ATP10A: variants seen among roughly 807,000 people sequenced by gnomAD.
ATP10A encodes phospholipid-transporting ATPase VA.
ATP10A carries 111 observed loss-of-function variants against 147.8 expected under a neutral mutation model. The ratio of observed to expected loss-of-function variants is 0.75; its 90% CI spans 0.64 to 0.88. ATP10A has a LOEUF of 0.88. Among genes scored for constraint, ATP10A ranks in the 40% least tolerant of loss-of-function variants. The pLI is 0.00. For missense variants in ATP10A, 1,927 were observed against 1,959.0 expected (o/e 0.98, Z 0.31); for synonymous variants, 875 against 841.6 (o/e 1.04, Z -0.69).
At chr15:25,804,163 G>A (rs1314175872) in intron 1 of ATP10A, among the ~76,000 whole-genome samples, 1 of 151,152 alleles carries the variant, frequency 6.6e-6, no homozygotes, top group Admixed American at 6.6e-5. Context: ...GTGATGTGAG[G>A]TGTTTGTGAT....
At chr15:25,681,631 G>C (rs1452404944) in intron 17 of ATP10A, among the ~76,000 whole-genome samples, 1 of 152,106 alleles carries the variant, frequency 6.6e-6, no homozygotes, top group Non-Finnish European at 1.5e-5. Flanking sequence ...AGGACTTTTG[G>C]AGACGCGAGG....
intron 1 of ATP10A, 82 bp from the exon 2 acceptor site, chr15:25,781,305 T>A (rs549526177): frequency 2.5e-6 from 3 of 1,178,174 alleles, no homozygotes; most frequent in Non-Finnish European, 3.6e-6. Flanking sequence ...GGGGCTCATA[T>A]GGCAATTCTT....
rs1453713418 is a variant in ATP10A at position 25,680,923 on chromosome 15, CA to C, written c.3574-10del. ...TTCGAGTCATAGTAGGCCTGAAAGA[CA>C]GTGGGGTCCTGGATCTGTAGGTCCC... On this transcript the variant is annotated splice_polypyrimidine_tract_variant and intron_variant, in intron 18 of 20. Transcript: ENST00000555815. 6.2e-7 allele frequency: 1 copy of C among 1,614,060 alleles called. No individual in the cohort carries two copies. The highest frequency in any genetic ancestry group is 2.2e-5 in the East Asian group (1 of 44,870).
At chr15:25,771,256 A>G (rs552495227) in intron 2 of ATP10A, among the ~76,000 whole-genome samples, 20 of 152,076 alleles carry the variant, frequency 1.3e-4, no homozygotes, top group Non-Finnish European at 2.6e-4. Context: ...CTGGCCACCC[A>G]TAAACAAGGA....
At chr15:25,694,499 G>A (rs1275195806) in intron 14 of ATP10A, among the ~76,000 whole-genome samples, 1 of 152,218 alleles carries the variant, frequency 6.6e-6, no homozygotes, top group African/African-American at 2.4e-5. Context: ...GCCCTCTGCT[G>A]TGGCCAGGAC....
At chr15:25,770,143 C>T (rs1889257824) in intron 2 of ATP10A, among the ~76,000 whole-genome samples, 1 of 151,072 alleles carries the variant, frequency 6.6e-6, no homozygotes, top group Admixed American at 6.6e-5. Flanking sequence ...GCATTTAAAA[C>T]ACGACCCGGG....
chr15:25,780,490 A>G (rs545111191), intron 2 of ATP10A, among the ~76,000 whole-genome samples: 4 of 152,320 alleles, frequency 2.6e-5, no homozygotes, highest in Admixed American at 2.6e-4. Context: ...GGGCAGCCCA[A>G]TGGAGTCGGT....
At chr15:25,705,003 G>T (rs531791722) in intron 12 of ATP10A, among the ~76,000 whole-genome samples, 15 of 152,342 alleles carry the variant, frequency 9.8e-5, no homozygotes, top group African/African-American at 3.6e-4. Flanking sequence ...AACTAGCAAG[G>T]ACGCCGGGGA....
At chr15:25,773,898 C>T (rs1454035476) in intron 2 of ATP10A, among the ~76,000 whole-genome samples, 1 of 152,068 alleles carries the variant, frequency 6.6e-6, no homozygotes, top group Admixed American at 6.6e-5. Context: ...CTGCGTCGAT[C>T]TCACATTGTC....
chr15:25,821,959 G>T (rs942752174), intron 1 of ATP10A, among the ~76,000 whole-genome samples: 4 of 152,144 alleles, frequency 2.6e-5, no homozygotes, highest in Non-Finnish European at 5.9e-5. Flanking sequence ...GGAATCCTGT[G>T]GGAAACTGGT....
At chr15:25,703,357 G>GAAAT (rs558158099) in intron 12 of ATP10A, among the ~76,000 whole-genome samples, 97 of 152,186 alleles carry the variant, frequency 6.4e-4, no homozygotes, top group African/African-American at 2.0e-3. Context: ...TCTGTCTCAA[G>GAAAT]AAATAAATAA....
intron 2 of ATP10A, among the ~76,000 whole-genome samples, chr15:25,745,649 A>T (rs1887808991): frequency 6.6e-6 from 1 of 152,212 alleles, no homozygotes; most frequent in Non-Finnish European, 1.5e-5. Context: ...GTAAATAAGA[A>T]AGTAAATATA....
chr15:25,760,611 T>C (rs1472833815), intron 2 of ATP10A, among the ~76,000 whole-genome samples: 4 of 152,230 alleles, frequency 2.6e-5, no homozygotes, highest in Non-Finnish European at 5.9e-5. Flanking sequence ...TTTGAGTTCA[T>C]AGCATTGGAC....
At chr15:25,792,850 AC>A (rs1890492610) in intron 1 of ATP10A, among the ~76,000 whole-genome samples, 1 of 149,596 alleles carries the variant, frequency 6.7e-6, no homozygotes, top group Non-Finnish European at 1.5e-5. Context: ...AATATCTGTT[AC>A]AAAAAGTTGC....
rs116531107 is a variant in ATP10A, at chr15:25,793,382, C to T, written c.450-12159G>A. 3.0e-3 allele frequency among the ~76,000 whole-genome samples: 453 copies of T among 152,270 alleles called. 4 individuals are homozygous for T. The highest frequency in any genetic ancestry group is 0.01 in the African/African-American group (435 of 41,554). On this transcript the variant is annotated intron_variant, in intron 1 of 20. Coordinates refer to ENST00000555815, the MANE Select transcript of ATP10A (RefSeq NM_024490.4). ...ACACTTACACCCTTTAAAAAGATAT[C>T]GCCACTTTCTTCATAAAGCTCCTAA...
At chr15:25,786,867 C>G (rs765105640) in intron 1 of ATP10A, among the ~76,000 whole-genome samples, 53 of 150,818 alleles carry the variant, frequency 3.5e-4, no homozygotes, top group African/African-American at 1.2e-3. Context: ...AATCTCCTGA[C>G]CTCATGATCT....
Position 25,855,062 on chromosome 15 carries a change from A to AAAAG in ATP10A, c.449+7585_449+7586insCTTT, listed in dbSNP as rs1555481750. Among the ~76,000 whole-genome samples the AAAAG allele has an allele frequency of 3.5e-4, 42 of 119,676 alleles. No individual in the cohort carries two copies. The East Asian group carries it at 6.8e-3, about 19-fold the overall frequency. 78.5% of individuals were successfully genotyped at this position (119,676 alleles called of 152,430 possible). ...CAACAAGAGTGAAACTCCGTCTCAC[A>AAAAG]AAAAAAAAAAAAAAACAGAAAAAAA... is the stretch of plus-strand genomic sequence containing the variant. On this transcript the variant is annotated intron_variant, in intron 1 of 20. Transcript: ENST00000555815.
intron 3 of ATP10A, among the ~76,000 whole-genome samples, chr15:25,727,759 A>C (rs1199589961): frequency 6.6e-6 from 1 of 152,250 alleles, no homozygotes; most frequent in Non-Finnish European, 1.5e-5. Context: ...AGTTATTAGA[A>C]GTATTAATAT....
chr15:25,677,501 G>C (rs1899162620), downstream of ATP10A: 1 of 152,214 alleles, frequency 6.6e-6, no homozygotes, highest in African/African-American at 2.4e-5. Flanking sequence ...TCATCTGGAA[G>C]CTGGGAATCT....
Sources: gnomAD v4.1 joint callset for allele counts (sites outside exome capture counted in the v4.1 genomes callset) on GRCh38, gnomAD v4.1.1 for gene constraint, MANE v1.5 for transcripts, NCBI Gene and HGNC (gene_info 2026-07-23, HGNC 2026-07-21) for gene names.